The following DPH5 variants were observed in gnomAD, a reference collection of about 807,000 sequenced individuals.
DPH5 encodes diphthine methyl ester synthase.
In DPH5, 31 loss-of-function variants were observed where a neutral mutation model predicts 31.6. The ratio of observed to expected loss-of-function variants is 0.98; its 90% CI spans 0.74 to 1.32. The LOEUF (loss-of-function observed/expected upper bound fraction) is 1.32, where lower values mean the gene tolerates loss of function less well. Ranked by LOEUF, DPH5 falls within the 40% of genes most tolerant of loss-of-function variation. The pLI is 0.00. For synonymous variants in DPH5, 120 were observed against 115.0 expected, an observed-to-expected ratio of 1.04 and a Z score of -0.28; for missense variants, 309 against 335.7, an observed-to-expected ratio of 0.92 and a Z score of 0.62.
chr1:100,997,561 T>A (rs1312899105), intron 5 of DPH5, among the ~76,000 whole-genome samples: 1 of 152,116 alleles, frequency 6.6e-6, no homozygotes, highest in Non-Finnish European at 1.5e-5. Flanking sequence ...GAGATGGGGT[T>A]TCACCGTGTT....
In DPH5 at chr1:101,001,139, A is replaced by G. The variant is rs565477130; in HGVS notation, c.490+328T>C. Among the ~76,000 whole-genome samples, 12 of 152,328 alleles carry G rather than the reference A, an allele frequency of 7.9e-5. No individual in the cohort carries two copies. In the South Asian group the frequency reaches 2.5e-3, roughly 32 times the overall value. ...GGAAGATGCAGGATGGTCCTTGGTA[A>G]GGCTTGCTCAGTGCATGTCTATTGG... On this transcript the variant is annotated intron_variant, in intron 5 of 7. Transcript: ENST00000370109.
At chr1:100,995,035 G>T in intron 6 of DPH5, 75 bp downstream of exon 6, 3 of 1,044,802 alleles carry the variant, frequency 2.9e-6, no homozygotes, top group Non-Finnish European at 4.4e-6. Context: ...TTAGAACTCA[G>T]GTCATTTAAG....
At position 100,998,053 on chromosome 1, in the gene DPH5, TATAAAG is replaced by T. The variant is rs1245827584; in HGVS notation, c.491-2910_491-2905del. Among the ~76,000 whole-genome samples the T allele has an allele frequency of 3.3e-5, 5 of 152,054 alleles. No individual in the cohort carries two copies. The East Asian group carries it at 7.7e-4, about 23-fold the overall frequency. The stretch of plus-strand genomic sequence containing the variant: ...TACAAGGAAAATTCAAAGACAAAAT[TATAAAG>T]ATAATTAATGATGAATGAAGCACTA... On this transcript the variant is annotated intron_variant, in intron 5 of 7. Coordinates refer to ENST00000370109, the MANE Select transcript of DPH5 (RefSeq NM_015958.3).
intron 3 of DPH5, among the ~76,000 whole-genome samples, chr1:101,019,372 G>A (rs2101289569): frequency 6.6e-6 from 1 of 152,224 alleles, no homozygotes; most frequent in East Asian, 1.9e-4. Context: ...AGTGCTGATA[G>A]TTGCACAACA....
chr1:101,017,399 G>GTACA (rs1239848871), intron 3 of DPH5, among the ~76,000 whole-genome samples: 2 of 152,186 alleles, frequency 1.3e-5, no homozygotes, highest in African/African-American at 4.8e-5. Context: ...GTATGCGTAT[G>GTACA]TACGTATGTG....
rs1227950712 is a variant in DPH5 at position 101,025,345 on chromosome 1, G to A, written c.99C>T (p.Ala33=). 21 of 1,614,124 alleles carry A rather than the reference G, an allele frequency of 1.3e-5. No homozygotes were observed. Among genetic ancestry groups the A allele is most frequent in the Middle Eastern group, 1.6e-4 (1 of 6,084 alleles). The change falls in exon 2 of 8, where the codon GCC becomes GCT. Residue 33 remains alanine, a synonymous_variant. Coordinates refer to ENST00000370109, the MANE Select transcript of DPH5 (RefSeq NM_015958.3). The stretch of plus-strand genomic sequence containing the variant: ...TCCCTACAGTTAGGACTGAGGTGTA[G>A]GCTTCCAGATACACTCGACTGCAGC... The part of the protein sequence containing the change: ...VRRCSRVYLE[A]YTSVLTVGKE...
Position 100,990,353 on chromosome 1 carries a change from CAT to C in DPH5, c.*53_*54del, listed in dbSNP as rs1464516786. On this transcript the variant is annotated 3_prime_UTR_variant, in exon 8 of 8. Transcript: ENST00000370109. ...GACTTGGGTGGGGATACATCCAAAC[CAT>C]ATCAATCCATATATGGCTGAAATTT... is the stretch of plus-strand genomic sequence containing the variant. 3.9e-6 allele frequency: 6 copies of C among 1,528,496 alleles called. No homozygotes were observed. The highest frequency in any genetic ancestry group is 4.5e-6 in the Non-Finnish European group (5 of 1,106,650). The allele number at this position is 1,528,496 out of a possible 1,614,324, so 94.7% of individuals were successfully genotyped here.
rs370780523 is a variant in DPH5 at position 100,996,862 on chromosome 1, C to G, written c.491-1713G>C. The stretch of plus-strand genomic sequence containing the variant: ...CTGCCATGGTTTATCCTCACTAATC[C>G]CTATGGAACTTAACCCACAGCAGGC... On this transcript the variant is annotated intron_variant, in intron 5 of 7. Transcript: ENST00000370109. Among the ~76,000 whole-genome samples, 17 of 152,170 alleles carry G rather than the reference C, an allele frequency of 1.1e-4. No homozygotes were observed. The East Asian group carries it at 2.7e-3, about 24-fold the overall frequency.
At chr1:101,008,622 G>C (rs981925796) in intron 4 of DPH5, among the ~76,000 whole-genome samples, 4 of 152,202 alleles carry the variant, frequency 2.6e-5, no homozygotes, top group Admixed American at 2.0e-4. Context: ...GACAGCCAAG[G>C]TTTCTTTGGT....
intron 3 of DPH5, among the ~76,000 whole-genome samples, chr1:101,014,377 G>T (rs1370622321): frequency 6.6e-6 from 1 of 152,058 alleles, no homozygotes; most frequent in East Asian, 1.9e-4. Context: ...TAATTTTTTT[G>T]GTTTCTTAGT....
intron 4 of DPH5, among the ~76,000 whole-genome samples, chr1:101,007,802 A>G (rs538404660): frequency 1.3e-4 from 20 of 152,094 alleles, no homozygotes; most frequent in African/African-American, 4.6e-4. Flanking sequence ...TCTTCTGTGT[A>G]TTGAGAAAAA....
intron 5 of DPH5, chr1:100,995,907 G>C (rs1168932356): frequency 6.6e-6 from 1 of 152,174 alleles, no homozygotes; most frequent in African/African-American, 2.4e-5. Context: ...AAATGGTTCA[G>C]CCAAAGTTTG....
chr1:101,002,576 T>C (rs1015324713), intron 4 of DPH5, among the ~76,000 whole-genome samples: 2 of 152,188 alleles, frequency 1.3e-5, no homozygotes, highest in African/African-American at 4.8e-5. Flanking sequence ...TAAAGTTGTA[T>C]AAAGATTTAA....
intron 3 of DPH5, among the ~76,000 whole-genome samples, chr1:101,019,373 T>C (rs2101289590): frequency 6.6e-6 from 1 of 152,314 alleles, no homozygotes; most frequent in South Asian, 2.1e-4. Context: ...GTGCTGATAG[T>C]TGCACAACAA....
chr1:101,009,765 T>A (rs1231282120), intron 4 of DPH5, among the ~76,000 whole-genome samples: 1 of 152,224 alleles, frequency 6.6e-6, no homozygotes, highest in Admixed American at 6.5e-5. Context: ...GGATAACATC[T>A]AAACTCCTAA....
chr1:101,016,923 G>GC (rs1660123858), intron 3 of DPH5, among the ~76,000 whole-genome samples: 1 of 152,186 alleles, frequency 6.6e-6, no homozygotes, highest in Non-Finnish European at 1.5e-5. Flanking sequence ...TGGGGGAATG[G>GC]CTGGTTGGTG....
At chr1:101,023,910 A>G (rs1660647415) in intron 2 of DPH5, among the ~76,000 whole-genome samples, 2 of 152,098 alleles carry the variant, frequency 1.3e-5, no homozygotes, top group Non-Finnish European at 2.9e-5. Context: ...CTATAACCAA[A>G]CTTTCCTCTA....
chr1:101,009,575 C>T (rs1300935014), intron 4 of DPH5, among the ~76,000 whole-genome samples: 1 of 152,202 alleles, frequency 6.6e-6, no homozygotes, highest in Non-Finnish European at 1.5e-5. Context: ...CTACTCCATA[C>T]AGTACAAGCC....
chr1:101,014,226 C>A (rs1659900751), intron 3 of DPH5, among the ~76,000 whole-genome samples: 1 of 152,138 alleles, frequency 6.6e-6, no homozygotes, highest in Non-Finnish European at 1.5e-5. Context: ...TAGGGCATAA[C>A]TAGAATCACT....
Sources: gnomAD v4.1 joint callset for allele counts (sites outside exome capture counted in the v4.1 genomes callset) on GRCh38, gnomAD v4.1.1 for gene constraint, MANE v1.5 for transcripts, NCBI Gene and HGNC (gene_info 2026-07-23, HGNC 2026-07-21) for gene names.